TSNARE1: variants seen among roughly 807,000 people sequenced by gnomAD.
TSNARE1 encodes t-SNARE domain containing 1.
In TSNARE1, 49 loss-of-function variants were observed where a neutral mutation model predicts 62.0. The observed-to-expected ratio is 0.79, with a 90% confidence interval of 0.63 to 1.00. TSNARE1 has a LOEUF of 1.00. TSNARE1 is among the 50% of genes least tolerant of loss of function. TSNARE1 has a pLI of 0.00. For missense variants in TSNARE1, 755 were observed against 700.1 expected (o/e 1.08, Z -0.88); for synonymous variants, 328 against 294.4 (o/e 1.11, Z -1.17).
At chr8:142,375,882 G>C (rs1001322466) in intron 1 of TSNARE1, among the ~76,000 whole-genome samples, 2 of 152,164 alleles carry the variant, frequency 1.3e-5, no homozygotes, top group Admixed American at 1.3e-4. Context: ...AACTGATAGA[G>C]ATGTGTGGAC....
intron 11 of TSNARE1, among the ~76,000 whole-genome samples, chr8:142,281,460 G>A (rs112108482): frequency 6.6e-5 from 10 of 152,136 alleles, no homozygotes; most frequent in African/African-American, 9.6e-5. Flanking sequence ...AAAGCCCCCT[G>A]CAAACCTGGA....
intron 6 of TSNARE1, among the ~76,000 whole-genome samples, chr8:142,322,757 T>C (rs34132475): frequency 0.44 from 66,652 of 151,986 alleles, 14,824 homozygotes; most frequent in South Asian, 0.56. Flanking sequence ...AAGGCTGGCC[T>C]GGCTGTGTCC....
At chr8:142,327,190 T>G (rs766936056) in intron 6 of TSNARE1, among the ~76,000 whole-genome samples, 20 of 152,242 alleles carry the variant, frequency 1.3e-4, no homozygotes, top group Non-Finnish European at 2.2e-4. Context: ...TTATTCATCA[T>G]GGTCAAAATG....
chr8:142,274,296 AG>A, intron 12 of TSNARE1: 1 of 985,428 alleles, frequency 1.0e-6, no homozygotes, highest in Non-Finnish European at 1.2e-6. Context: ...GTCAGCAACA[AG>A]GCCCAGTGAG....
intron 1 of TSNARE1, among the ~76,000 whole-genome samples, chr8:142,373,100 GTGTC>G (rs567458020): frequency 1.7e-3 from 252 of 152,308 alleles, no homozygotes; most frequent in Admixed American, 3.0e-3. Context: ...CTCTCGGACT[GTGTC>G]TGTGTCTCCC....
At chr8:142,293,890 C>T (rs1268408860) in intron 10 of TSNARE1, among the ~76,000 whole-genome samples, 1 of 152,180 alleles carries the variant, frequency 6.6e-6, no homozygotes, top group Non-Finnish European at 1.5e-5. Flanking sequence ...AGAGGAGGGG[C>T]CACACTGGCC....
At chr8:142,273,186 C>A (rs1355529302) in intron 12 of TSNARE1, 1 of 984,312 alleles carries the variant, frequency 1.0e-6, no homozygotes, top group African/African-American at 1.8e-5. Flanking sequence ...CTTTCCTCCT[C>A]CTCCTTCACC....
At chr8:142,377,661 G>A (rs1403284867) in intron 1 of TSNARE1, among the ~76,000 whole-genome samples, 2 of 152,146 alleles carry the variant, frequency 1.3e-5, no homozygotes, top group African/African-American at 2.4e-5. Context: ...GGAACGGCAG[G>A]GACCCCAGCC....
At chr8:142,370,034 T>G (rs1442354222) in intron 1 of TSNARE1, among the ~76,000 whole-genome samples, 1 of 152,134 alleles carries the variant, frequency 6.6e-6, no homozygotes, top group Non-Finnish European at 1.5e-5. Context: ...GCTCATGAAT[T>G]GGATCAGTGC....
intron 11 of TSNARE1, among the ~76,000 whole-genome samples, chr8:142,280,796 A>AG (rs993001772): frequency 6.6e-6 from 1 of 152,010 alleles, no homozygotes; most frequent in Admixed American, 6.5e-5. Flanking sequence ...AGTGGGGAGA[A>AG]GGGGGGAGGA....
chr8:142,299,798 A>G (rs1183869084), intron 10 of TSNARE1, among the ~76,000 whole-genome samples: 5 of 152,236 alleles, frequency 3.3e-5, no homozygotes, highest in African/African-American at 7.2e-5. Context: ...ACATGCTCAG[A>G]CTCAGGTGCC....
At chr8:142,367,910 C>T (rs1835669936) in intron 1 of TSNARE1, among the ~76,000 whole-genome samples, 1 of 152,114 alleles carries the variant, frequency 6.6e-6, no homozygotes, top group African/African-American at 2.4e-5. Flanking sequence ...GTTCATACCT[C>T]ACATAATAAA....
intron 7 of TSNARE1, among the ~76,000 whole-genome samples, chr8:142,317,752 G>GT (rs1418982124): frequency 3.9e-5 from 6 of 152,158 alleles, no homozygotes; most frequent in African/African-American, 7.2e-5. Context: ...GAGGCCGGGA[G>GT]TTTGAGACCA....
intron 11 of TSNARE1, chr8:142,279,809 C>T: frequency 4.2e-6 from 4 of 945,786 alleles, no homozygotes; most frequent in Non-Finnish European, 5.1e-6. Context: ...GCCCTGCTTG[C>T]CCCAGGGCAG....
chr8:142,348,681 G>A (rs954675824), intron 2 of TSNARE1, among the ~76,000 whole-genome samples: 2 of 148,120 alleles, frequency 1.4e-5, no homozygotes, highest in African/African-American at 2.5e-5. Flanking sequence ...GGCTGCCAAG[G>A]GCGTGTCGAC....
chr8:142,312,883 G>T (rs1827820520), intron 9 of TSNARE1, among the ~76,000 whole-genome samples: 1 of 152,354 alleles, frequency 6.6e-6, no homozygotes, highest in Admixed American at 6.5e-5. Context: ...TGTCCTGGGG[G>T]TGAGAAGGCA....
intron 1 of TSNARE1, among the ~76,000 whole-genome samples, chr8:142,384,628 C>A (rs897855021): frequency 6.6e-6 from 1 of 152,128 alleles, no homozygotes; most frequent in African/African-American, 2.4e-5. Context: ...GATAGCCCCA[C>A]GCAAAAGAAT....
intron 13 of TSNARE1, among the ~76,000 whole-genome samples, chr8:142,215,704 A>C (rs984968278): frequency 2.0e-5 from 3 of 152,128 alleles, no homozygotes; most frequent in Admixed American, 6.5e-5. Context: ...CTGGGAGGGA[A>C]GTCCCTGCCC....
chr8:142,305,992 G>T, intron 9 of TSNARE1, among the ~76,000 whole-genome samples: 1 of 152,194 alleles, frequency 6.6e-6, no homozygotes, highest in Non-Finnish European at 1.5e-5. Context: ...AAGGCTCTGG[G>T]AAGGAGACCA....
Sources: allele counts gnomAD v4.1 joint callset (sites outside exome capture counted in the v4.1 genomes callset), GRCh38; gene constraint gnomAD v4.1.1; transcripts MANE v1.5; gene names NCBI Gene and HGNC (gene_info 2026-07-23, HGNC 2026-07-21).